Variants in DCDC1 observed in about 807,000 individuals in gnomAD.
DCDC1 encodes the protein doublecortin domain-containing protein 1.
DCDC1 carries 200 observed loss-of-function variants against 178.3 expected under a neutral mutation model. That is an observed-to-expected ratio of 1.12 (90% confidence interval 1.00 to 1.26). DCDC1 has a LOEUF of 1.26. Among genes scored for constraint, DCDC1 ranks in the 50% most tolerant of loss-of-function variants. The pLI, the probability that DCDC1 is intolerant of heterozygous loss-of-function variation, is 0.00. For synonymous variants in DCDC1, 690 were observed against 604.8 expected, an observed-to-expected ratio of 1.14 and a Z score of -2.07; for missense variants, 1,983 against 1,749.2, an observed-to-expected ratio of 1.13 and a Z score of -2.38.
At chr11:31,282,501 G>A (rs952120190) in intron 7 of DCDC1, among the ~76,000 whole-genome samples, 1 of 151,766 alleles carries the variant, frequency 6.6e-6, no homozygotes, top group Non-Finnish European at 1.5e-5. Flanking sequence ...TCCACAGCTG[G>A]AGAATGAGTG....
chr11:31,213,785 A>G (rs1263334416), intron 9 of DCDC1, among the ~76,000 whole-genome samples: 7 of 152,084 alleles, frequency 4.6e-5, no homozygotes, highest in Non-Finnish European at 8.8e-5. Context: ...GGTCCATGAC[A>G]TAGTAGATAA....
chr11:31,257,211 C>T (rs889410510), intron 8 of DCDC1, among the ~76,000 whole-genome samples: 1 of 152,126 alleles, frequency 6.6e-6, no homozygotes, highest in Non-Finnish European at 1.5e-5. Context: ...GCCTTCAATT[C>T]TACTCTTCAC....
intron 21 of DCDC1, among the ~76,000 whole-genome samples, chr11:30,935,107 T>TGTCAATTTAGA (rs1947191815): frequency 1.3e-5 from 2 of 152,160 alleles, no homozygotes; most frequent in African/African-American, 4.8e-5. Context: ...TGGTGATAAG[T>TGTCAATTTAGA]ATAGGATTGC....
intron 3 of DCDC1, among the ~76,000 whole-genome samples, chr11:31,309,455 T>C (rs926703077): frequency 2.6e-5 from 4 of 152,164 alleles, no homozygotes; most frequent in African/African-American, 9.7e-5. Flanking sequence ...AGTGACGGCA[T>C]GTGGCAGCAG....
intron 9 of DCDC1, among the ~76,000 whole-genome samples, chr11:31,197,857 G>T (rs576764739): frequency 1.8e-4 from 27 of 152,030 alleles, no homozygotes; most frequent in African/African-American, 6.3e-4. Flanking sequence ...TTCAATAATG[G>T]CCCCAGCACT....
chr11:30,969,629 T>TC (rs1204316686), intron 20 of DCDC1, among the ~76,000 whole-genome samples: 1 of 152,204 alleles, frequency 6.6e-6, no homozygotes, highest in Non-Finnish European at 1.5e-5. Flanking sequence ...CAACAGTAAT[T>TC]GCTTCTTTGC....
At chr11:31,211,830 C>T (rs2136535973) in intron 9 of DCDC1, among the ~76,000 whole-genome samples, 1 of 152,216 alleles carries the variant, frequency 6.6e-6, no homozygotes, top group East Asian at 1.9e-4. Flanking sequence ...CACCTGTAAT[C>T]CCAGCACTTT....
At chr11:31,195,002 C>CA (rs994311458) in intron 9 of DCDC1, among the ~76,000 whole-genome samples, 2 of 152,026 alleles carry the variant, frequency 1.3e-5, no homozygotes, top group African/African-American at 4.8e-5. Flanking sequence ...GCCCCCTTAC[C>CA]ATACTGTGCA....
chr11:31,281,701 C>T (rs939497461), intron 7 of DCDC1, among the ~76,000 whole-genome samples: 3 of 152,012 alleles, frequency 2.0e-5, no homozygotes, highest in Non-Finnish European at 4.4e-5. Context: ...CCATACTGTT[C>T]TTGTGGTTGT....
chr11:31,213,413 C>G (rs1412563809), intron 9 of DCDC1, among the ~76,000 whole-genome samples: 3 of 151,848 alleles, frequency 2.0e-5, no homozygotes, highest in Admixed American at 6.6e-5. Context: ...AAGCTTAACA[C>G]AGGCATTAAA....
At chr11:31,250,282 A>G (rs1943887320) in intron 8 of DCDC1, among the ~76,000 whole-genome samples, 1 of 141,420 alleles carries the variant, frequency 7.1e-6, no homozygotes, top group African/African-American at 2.5e-5. Flanking sequence ...GAATTATATT[A>G]CTTAGTATCC....
intron 20 of DCDC1, among the ~76,000 whole-genome samples, chr11:31,010,624 G>A (rs557506638): frequency 6.6e-6 from 1 of 152,258 alleles, no homozygotes; most frequent in Non-Finnish European, 1.5e-5. Context: ...TGAAGGGAGG[G>A]CATTACACAG....
chr11:31,287,808 G>A (rs1946944434), intron 7 of DCDC1, among the ~76,000 whole-genome samples: 1 of 151,682 alleles, frequency 6.6e-6, no homozygotes, highest in African/African-American at 2.4e-5. Flanking sequence ...ATCCAACAAA[G>A]GAGAGAGAGA....
chr11:30,888,699 A>G (rs895874490), intron 36 of DCDC1, among the ~76,000 whole-genome samples: 10 of 152,240 alleles, frequency 6.6e-5, no homozygotes, highest in Admixed American at 5.9e-4. Flanking sequence ...CCTGGGCAAC[A>G]AAAGTGGAAC....
intron 9 of DCDC1, among the ~76,000 whole-genome samples, chr11:31,213,099 G>T (rs1565441537): frequency 3.1e-4 from 9 of 29,488 alleles, no homozygotes; most frequent in African/African-American, 1.1e-3. Flanking sequence ...ATAAAGCCCA[G>T]CCTCTCTCTC....
chr11:31,104,634 G>A (rs1171404978), intron 13 of DCDC1, among the ~76,000 whole-genome samples: 1 of 152,098 alleles, frequency 6.6e-6, no homozygotes, highest in Non-Finnish European at 1.5e-5. Flanking sequence ...CTTGAATATA[G>A]AGTGTATATT....
At chr11:31,083,052 CATTAT>C in intron 17 of DCDC1, among the ~76,000 whole-genome samples, 3 of 152,310 alleles carry the variant, frequency 2.0e-5, no homozygotes, top group Admixed American at 2.0e-4. Flanking sequence ...TATTCCTTAA[CATTAT>C]ACAGCTACAC....
chr11:31,251,148 T>C (rs1255258668), intron 8 of DCDC1, among the ~76,000 whole-genome samples: 1 of 152,214 alleles, frequency 6.6e-6, no homozygotes, highest in African/African-American at 2.4e-5. Context: ...TTCACCTTCA[T>C]GTAGTTTACA....
chr11:31,099,492 C>T (rs938739929), intron 15 of DCDC1, among the ~76,000 whole-genome samples: 3 of 152,144 alleles, frequency 2.0e-5, no homozygotes, highest in Admixed American at 1.3e-4. Context: ...CCCCCATCTA[C>T]GCTGATGTAG....
Sources: gnomAD v4.1 joint callset for allele counts (sites outside exome capture counted in the v4.1 genomes callset) on GRCh38, gnomAD v4.1.1 for gene constraint, MANE v1.5 for transcripts, NCBI Gene and HGNC (gene_info 2026-07-23, HGNC 2026-07-21) for gene names.